The following GPR173 variants were observed in gnomAD, a reference collection of about 807,000 sequenced individuals.
The protein encoded by GPR173 is probable G protein-coupled receptor 173.
In GPR173, 2 loss-of-function variants were observed where a neutral mutation model predicts 13.9. The ratio of observed to expected loss-of-function variants is 0.14; its 90% confidence interval spans 0.06 to 0.45. The LOEUF is 0.45. GPR173 is among the 20% of genes least tolerant of loss of function. The pLI is 0.98. For synonymous variants in GPR173, 131 were observed against 141.0 expected (o/e 0.93, Z 0.50); for missense variants, 202 against 340.5 (o/e 0.59, Z 3.20).
intron 1 of GPR173, among the ~76,000 whole-genome samples, chrX:53,060,082 TA>T (rs2146675359): frequency 9.3e-6 from 1 of 107,989 alleles, no homozygotes; most frequent in East Asian, 2.9e-4. Context: ...ATATAGTTCT[TA>T]AAATTTATTC....
chrX:53,074,311 C>CATATAAATATATATAAATATACATTT (rs1569224542), intron 1 of GPR173, among the ~76,000 whole-genome samples: 4 of 6,278 alleles, frequency 6.4e-4, no homozygotes, highest in African/African-American at 3.0e-3. Flanking sequence ...AATATACATT[C>CATATAAATATATATAAATATACATTT]ATATATATTT....
intron 1 of GPR173, among the ~76,000 whole-genome samples, chrX:53,060,535 G>A (rs371104998): frequency 2.9e-5 from 3 of 103,249 alleles, no homozygotes; most frequent in Admixed American, 1.1e-4. Context: ...AGCCAAGGTC[G>A]CACCATTGCA....
At chrX:53,060,540 A>G (rs1451389742) in intron 1 of GPR173, among the ~76,000 whole-genome samples, 1 of 104,800 alleles carries the variant, frequency 9.5e-6, no homozygotes, top group African/African-American at 3.5e-5. Context: ...AGGTCGCACC[A>G]TTGCAATCCA....
At chrX:53,060,534 C>T (rs1225912732) in intron 1 of GPR173, among the ~76,000 whole-genome samples, 1 of 104,520 alleles carries the variant, frequency 9.6e-6, no homozygotes, top group Non-Finnish European at 2.0e-5. Flanking sequence ...GAGCCAAGGT[C>T]GCACCATTGC....
At position 53,049,111 on chromosome X, in the gene GPR173, A is replaced by C. The variant is rs1449027204; in HGVS notation, c.-471A>C. 2.7e-5 allele frequency: 3 copies of C among 109,795 alleles called. No individual in the cohort carries two copies. The highest frequency in any genetic ancestry group is 3.8e-5 in the Non-Finnish European group (2 of 52,422). 9.0% of individuals were successfully genotyped at this position (109,795 alleles called of 1,213,427 possible). ...GGGGGACCGGCAGCCAGGCAGGCAG[A>C]CGGGTAGCAGGGGCCAGCACTGGCC... On this transcript the variant is annotated 5_prime_UTR_variant, in exon 1 of 2. Coordinates refer to ENST00000332582, the MANE Select transcript of GPR173 (RefSeq NM_018969.6).
chrX:53,079,840 G>A lies in GPR173; in HGVS notation c.*2097G>A, dbSNP rs1932508860. 8.2e-6 allele frequency: 1 copy of A among 122,584 alleles called. No homozygotes were observed. Among genetic ancestry groups the A allele is most frequent in the African/African-American group, 3.3e-5 (1 of 30,514 alleles). 10.1% of individuals were successfully genotyped at this position (122,584 alleles called of 1,213,427 possible). Reference sequence around the variant, plus strand: ...GAGTATGTGCCCGTGGTAGGAAGTCGAGTGGTCAAGAGATGGATCTTGGAA... The same window carrying A: ...GAGTATGTGCCCGTGGTAGGAAGTCAAGTGGTCAAGAGATGGATCTTGGAA... On this transcript the variant is annotated 3_prime_UTR_variant, in exon 2 of 2. Transcript: ENST00000332582.
chrX:53,061,294 T>C (rs1425665051), intron 1 of GPR173, among the ~76,000 whole-genome samples: 9 of 111,421 alleles, frequency 8.1e-5, no homozygotes, highest in African/African-American at 2.3e-4. Context: ...ATCTTTGAGC[T>C]ATTTGCTGGT....
intron 1 of GPR173, among the ~76,000 whole-genome samples, chrX:53,074,664 A>T (rs1932393158): frequency 1.2e-5 from 1 of 80,079 alleles, no homozygotes; most frequent in Non-Finnish European, 2.1e-5. Flanking sequence ...ATATAGATTT[A>T]TATATATTTA....
At chrX:53,052,691 A>G (rs1931978410) in intron 1 of GPR173, among the ~76,000 whole-genome samples, 1 of 109,820 alleles carries the variant, frequency 9.1e-6, no homozygotes, top group South Asian at 3.9e-4. Context: ...GTATATTCAT[A>G]TGTGTGAATG....
intron 1 of GPR173, among the ~76,000 whole-genome samples, chrX:53,062,337 A>G (rs1932137120): frequency 9.0e-6 from 1 of 110,516 alleles, no homozygotes; most frequent in Admixed American, 9.8e-5. Context: ...TCCAAAGTCC[A>G]GAGTCCCATT....
chrX:53,050,710 T>C (rs1931946066), intron 1 of GPR173, among the ~76,000 whole-genome samples: 1 of 112,318 alleles, frequency 8.9e-6, no homozygotes, highest in Non-Finnish European at 1.9e-5. Flanking sequence ...TATCGATTAC[T>C]TGGAGGAGGG....
At chrX:53,055,723 T>C (rs1205289545) in intron 1 of GPR173, among the ~76,000 whole-genome samples, 2 of 109,590 alleles carry the variant, frequency 1.8e-5, no homozygotes, top group African/African-American at 6.7e-5. Flanking sequence ...TGTGTGTGGA[T>C]GTAGTTATAC....
At chrX:53,052,216 TTATG>T (rs1931966700) in intron 1 of GPR173, among the ~76,000 whole-genome samples, 1 of 111,199 alleles carries the variant, frequency 9.0e-6, no homozygotes, top group African/African-American at 3.3e-5. Flanking sequence ...GCACATTTGA[TTATG>T]TATGTGAGTA....
In GPR173 at chrX:53,079,258, C is replaced by T. The variant is rs1556806296; in HGVS notation, c.*1515C>T. ...AACTCCCTCCCTAGCCCAAGAGAGC[C>T]CCAGAACTGGGGAAGCCTGACCCAT... On this transcript the variant is annotated 3_prime_UTR_variant, in exon 2 of 2. Coordinates refer to ENST00000332582, the MANE Select transcript of GPR173 (RefSeq NM_018969.6). 8.2e-6 allele frequency: 1 copy of T among 122,447 alleles called. No individual in the cohort carries two copies. The highest frequency in any genetic ancestry group is 1.9e-5 in the Non-Finnish European group (1 of 53,049). The allele number at this position is 122,447 out of a possible 1,213,427, so 10.1% of individuals were successfully genotyped here.
intron 1 of GPR173, among the ~76,000 whole-genome samples, chrX:53,073,667 T>C (rs1295077949): frequency 9.6e-6 from 1 of 103,652 alleles, no homozygotes; most frequent in African/African-American, 3.5e-5. Context: ...TGTAGTGTTC[T>C]TTCAGAGGAG....
chrX:53,051,681 G>A (rs1556802698), intron 1 of GPR173, among the ~76,000 whole-genome samples: 1 of 111,252 alleles, frequency 9.0e-6, no homozygotes, highest in African/African-American at 3.3e-5. Context: ...GAGCCATCAG[G>A]CCTGTTGAAT....
chrX:53,071,775 G>A (rs1315696234), intron 1 of GPR173, among the ~76,000 whole-genome samples: 1 of 112,594 alleles, frequency 8.9e-6, no homozygotes, highest in Non-Finnish European at 1.9e-5. Context: ...GTGTACCTGT[G>A]TGAACACGGC....
chrX:53,076,935 T>C lies in GPR173; in HGVS notation c.314T>C (p.Leu105Pro). Residue 105 changes from leucine (L) to proline (P), a missense_variant, in exon 2 of 2, where the codon CTC (leucine) becomes CCC (proline). By Grantham distance (98) the Leu-to-Pro change is moderately conservative (BLOSUM62 -3). This residue lies in a region of GPR173 where 98 missense variants were observed against 137.2 expected (regional missense o/e 0.71). Transcript: ENST00000332582. ...AAGATTGTGGCCTTTATGGCCGTGC[T>C]CTTTTGCTTCCATGCGGCCTTCATG... ...SCKIVAFMAV[L>P]FCFHAAFMLF... The C allele has an allele frequency of 1.7e-6, 2 of 1,209,726 alleles. No individual in the cohort carries two copies. The highest frequency in any genetic ancestry group is 2.2e-6 in the Non-Finnish European group (2 of 894,900).
Position 53,075,182 on chromosome X carries a change from C to T in GPR173, c.-97-1343C>T, listed in dbSNP as rs149890417. On this transcript the variant is annotated intron_variant, in intron 1 of 1. Coordinates refer to ENST00000332582, the MANE Select transcript of GPR173 (RefSeq NM_018969.6). Reference sequence around the variant, plus strand: ...TCCTCAAATATGCCATGTAGAGTCCCACCTCAGGGCCTTTGCTCTGGCCGT... The same window carrying T: ...TCCTCAAATATGCCATGTAGAGTCCTACCTCAGGGCCTTTGCTCTGGCCGT... Among the ~76,000 whole-genome samples, 948 of 107,435 alleles carry T rather than the reference C, an allele frequency of 8.8e-3. 7 individuals carry two copies. Among genetic ancestry groups the T allele is most frequent in the Admixed American group, 0.016 (151 of 9,603 alleles). 93.3% of individuals were successfully genotyped at this position (107,435 alleles called of 115,157 possible). A position where few individuals can be genotyped will look rare whatever the true frequency, so the allele number is the denominator to read the frequency against.
Sources: allele counts gnomAD v4.1 joint callset (sites outside exome capture counted in the v4.1 genomes callset), GRCh38; gene constraint gnomAD v4.1.1; regional missense constraint gnomAD v4.1.1; transcripts MANE v1.5; gene names NCBI Gene and HGNC (gene_info 2026-07-23, HGNC 2026-07-21).